AFF3: variants seen among roughly 807,000 people sequenced by gnomAD.
AFF3 encodes the protein ALF transcription elongation factor 3.
In AFF3, 32 loss-of-function variants were observed where a neutral mutation model predicts 129.7. That is an observed-to-expected ratio of 0.25 (90% CI 0.19 to 0.33). The LOEUF (loss-of-function observed/expected upper bound fraction) is 0.33, where lower values mean the gene tolerates loss of function less well. AFF3 is among the 10% of genes least tolerant of loss of function. AFF3 has a pLI of 1.00. For synonymous variants in AFF3, 644 were observed against 635.4 expected (o/e 1.01, Z -0.20); for missense variants, 1,373 against 1,592.0 (o/e 0.86, Z 2.34).
At chr2:99,609,337 C>A (rs1263755310) in intron 13 of AFF3, among the ~76,000 whole-genome samples, 1 of 152,056 alleles carries the variant, frequency 6.6e-6, no homozygotes, top group African/African-American at 2.4e-5. Flanking sequence ...ATCACCCTAG[C>A]AGTATGTACT....
intron 12 of AFF3, among the ~76,000 whole-genome samples, chr2:99,661,134 A>G (rs1279402205): frequency 1.3e-5 from 2 of 152,178 alleles, no homozygotes; most frequent in African/African-American, 4.8e-5. Context: ...CACTTCCTGA[A>G]AAGCTACTGA....
chr2:99,840,530 A>T (rs961671820), intron 7 of AFF3, among the ~76,000 whole-genome samples: 2 of 152,232 alleles, frequency 1.3e-5, no homozygotes, highest in Non-Finnish European at 2.9e-5. Flanking sequence ...CTTATAAGCC[A>T]AGAAAAATAG....
At chr2:99,749,808 A>T (rs1465277835) in intron 9 of AFF3, among the ~76,000 whole-genome samples, 1 of 152,236 alleles carries the variant, frequency 6.6e-6, no homozygotes, top group East Asian at 1.9e-4. Flanking sequence ...TGATTCGAAC[A>T]ATGAATTCTT....
intron 14 of AFF3, among the ~76,000 whole-genome samples, chr2:99,599,391 C>T (rs955528517): frequency 6.6e-6 from 1 of 151,878 alleles, no homozygotes; most frequent in African/African-American, 2.4e-5. Flanking sequence ...CCTGAGGAGC[C>T]GGGATTACAG....
chr2:99,979,258 G>A (rs148464289), intron 7 of AFF3, among the ~76,000 whole-genome samples: 1,977 of 152,040 alleles, frequency 0.013, 53 homozygotes, highest in African/African-American at 0.045. Context: ...TTTCCCAAGG[G>A]AAAAATCAGT....
intron 1 of AFF3, among the ~76,000 whole-genome samples, chr2:100,138,869 C>T (rs1001222782): frequency 2.0e-5 from 3 of 147,636 alleles, no homozygotes; most frequent in African/African-American, 5.0e-5. Flanking sequence ...CACTTGAACC[C>T]AGGAGGCGGA....
intron 11 of AFF3, among the ~76,000 whole-genome samples, chr2:99,704,459 C>T (rs1677171256): frequency 6.6e-6 from 1 of 152,190 alleles, no homozygotes; most frequent in Non-Finnish European, 1.5e-5. Context: ...TCCTGGCACC[C>T]TGATAATGGC....
At chr2:99,967,266 A>G (rs1187290133) in intron 7 of AFF3, among the ~76,000 whole-genome samples, 1 of 144,332 alleles carries the variant, frequency 6.9e-6, no homozygotes, top group East Asian at 2.1e-4. Flanking sequence ...TCCTCTCCCA[A>G]TTTCTCTGCC....
chr2:99,977,501 C>A (rs1679008342), intron 7 of AFF3, among the ~76,000 whole-genome samples: 1 of 152,198 alleles, frequency 6.6e-6, no homozygotes, highest in Non-Finnish European at 1.5e-5. Flanking sequence ...TGTGTGAATG[C>A]CAATTTTTTT....
At chr2:99,992,063 T>C (rs1349226234) in intron 7 of AFF3, among the ~76,000 whole-genome samples, 2 of 152,144 alleles carry the variant, frequency 1.3e-5, no homozygotes, top group African/African-American at 4.8e-5. Context: ...CTAGAATGTA[T>C]ACATTTAGAG....
In AFF3 at chr2:99,856,517, G is replaced by A. The variant is rs34870218; in HGVS notation, c.874-18993C>T. Among the ~76,000 whole-genome samples the A allele has an allele frequency of 8.0e-3, 1,213 of 152,188 alleles. 7 individuals carry two copies. Among genetic ancestry groups the A allele is most frequent in the Non-Finnish European group, 0.01 (693 of 67,976 alleles). On this transcript the variant is annotated intron_variant, in intron 7 of 24. Transcript: ENST00000672756. Reference sequence around the variant, plus strand: ...CAAAAGGAACAAAACAGCAGCAAAAGTTTTAAAAAGAGTACAGATAACATT... The same window carrying A: ...CAAAAGGAACAAAACAGCAGCAAAAATTTTAAAAAGAGTACAGATAACATT...
At chr2:99,982,456 G>A (rs532431831) in intron 7 of AFF3, among the ~76,000 whole-genome samples, 1 of 152,222 alleles carries the variant, frequency 6.6e-6, no homozygotes, top group South Asian at 2.1e-4. Flanking sequence ...AAACCTCTTC[G>A]TTTTTGGAAA....
intron 7 of AFF3, among the ~76,000 whole-genome samples, chr2:99,888,137 C>A (rs4850918): frequency 6.6e-6 from 1 of 151,798 alleles, no homozygotes; most frequent in African/African-American, 2.4e-5. Flanking sequence ...AAGAAAGAGA[C>A]GAAAAAGTAT....
intron 13 of AFF3, among the ~76,000 whole-genome samples, chr2:99,641,880 C>T (rs1009907837): frequency 2.6e-5 from 4 of 152,074 alleles, no homozygotes; most frequent in Admixed American, 6.6e-5. Flanking sequence ...ATGTGTATGC[C>T]AGCGTTGTGG....
chr2:99,888,400 T>G (rs1035245045), intron 7 of AFF3, among the ~76,000 whole-genome samples: 4 of 152,276 alleles, frequency 2.6e-5, no homozygotes, highest in African/African-American at 9.6e-5. Context: ...GCATTTCGTT[T>G]TCTGCACCAC....
intron 12 of AFF3, among the ~76,000 whole-genome samples, chr2:99,663,118 T>A (rs1003583171): frequency 2.0e-5 from 3 of 152,256 alleles, no homozygotes; most frequent in Admixed American, 6.5e-5. Flanking sequence ...ACATGTACTG[T>A]CAATGCTTTC....
chr2:100,032,954 G>C (rs1684625924), intron 4 of AFF3, among the ~76,000 whole-genome samples: 1 of 152,176 alleles, frequency 6.6e-6, no homozygotes, highest in Non-Finnish European at 1.5e-5. Flanking sequence ...TGTCAGTAGA[G>C]TAAGTCCAAC....
intron 1 of AFF3, among the ~76,000 whole-genome samples, chr2:100,138,530 G>A (rs1692721404): frequency 6.6e-6 from 1 of 152,170 alleles, no homozygotes; most frequent in Admixed American, 6.5e-5. Context: ...TGCAACAGGA[G>A]CACTATCTGA....
At chr2:99,556,739 C>T (rs372103723) in intron 22 of AFF3, among the ~76,000 whole-genome samples, 1 of 151,852 alleles carries the variant, frequency 6.6e-6, no homozygotes, top group Non-Finnish European at 1.5e-5. Flanking sequence ...CTGGACAACA[C>T]AAGGAGACCC....
Sources: gnomAD v4.1 joint callset for allele counts (sites outside exome capture counted in the v4.1 genomes callset) on GRCh38, gnomAD v4.1.1 for gene constraint, MANE v1.5 for transcripts, NCBI Gene and HGNC (gene_info 2026-07-23, HGNC 2026-07-21) for gene names.